Variants in DPP6 observed in about 807,000 individuals in gnomAD.
The protein encoded by DPP6 is A-type potassium channel modulatory protein DPP6.
In DPP6, 69 loss-of-function variants were observed where a neutral mutation model predicts 122.6. The ratio of observed to expected loss-of-function variants is 0.56; its 90% CI spans 0.46 to 0.69. DPP6 has a LOEUF of 0.69. Ranked by LOEUF, DPP6 falls within the 30% of genes least tolerant of loss-of-function variation. DPP6 has a pLI of 0.00. For missense variants in DPP6, 928 were observed against 1,116.9 expected, an observed-to-expected ratio of 0.83 and a Z score of 2.41; for synonymous variants, 418 against 433.1, an observed-to-expected ratio of 0.97 and a Z score of 0.43.
intron 1 of DPP6, among the ~76,000 whole-genome samples, chr7:154,343,273 C>G (rs543776690): frequency 6.6e-6 from 1 of 152,322 alleles, no homozygotes; most frequent in African/African-American, 2.4e-5. Context: ...TATGCAGATT[C>G]CCCAAAGGCA....
intron 12 of DPP6, among the ~76,000 whole-genome samples, chr7:154,800,416 G>A (rs140780688): frequency 1.5e-4 from 23 of 152,266 alleles, no homozygotes; most frequent in African/African-American, 5.1e-4. Flanking sequence ...AATACATCTC[G>A]CAACCAACTA....
chr7:154,400,304 G>A (rs553077540), intron 1 of DPP6, among the ~76,000 whole-genome samples: 39 of 152,300 alleles, frequency 2.6e-4, no homozygotes, highest in African/African-American at 9.4e-4. Context: ...CCCCAGAGAT[G>A]GCGTGGAGTT....
chr7:154,104,736 TACATA>T (rs1329098319), intron 1 of DPP6, among the ~76,000 whole-genome samples: 14 of 152,240 alleles, frequency 9.2e-5, no homozygotes, highest in African/African-American at 3.4e-4. Flanking sequence ...TGTGTGTGCT[TACATA>T]ACATACACTC....
At chr7:154,237,790 G>A (rs1801315562) in intron 1 of DPP6, among the ~76,000 whole-genome samples, 2 of 152,288 alleles carry the variant, frequency 1.3e-5, no homozygotes, top group African/African-American at 4.8e-5. Context: ...GAAGTGTTGG[G>A]TCCACAGTGG....
intron 1 of DPP6, among the ~76,000 whole-genome samples, chr7:154,067,766 G>GTGA (rs1315926244): frequency 1.3e-5 from 2 of 152,136 alleles, no homozygotes; most frequent in African/African-American, 4.8e-5. Context: ...ATTGGTTGCA[G>GTGA]TGAGATCTGG....
rs555153061 is a variant in DPP6 at position 153,942,861 on chromosome 7, C to T, written c.51+55127C>T. On this transcript the variant is annotated intron_variant, in intron 1 of 25. Transcript: ENST00000404039. ...TACCTGTCGCCTGCTTATTTAAACA[C>T]GTGGTCCAGCAATCACAGTGAGTGT... is the stretch of plus-strand genomic sequence containing the variant. Among the ~76,000 whole-genome samples the T allele has an allele frequency of 3.9e-5, 6 of 152,328 alleles. No individual in the cohort carries two copies. In the East Asian group the frequency reaches 7.7e-4, roughly 20 times the overall value.
At chr7:153,986,065 C>T (rs1011389285) in intron 1 of DPP6, among the ~76,000 whole-genome samples, 7 of 152,080 alleles carry the variant, frequency 4.6e-5, no homozygotes, top group East Asian at 3.9e-4. Context: ...CGTTCAGGGT[C>T]GTATGGCTGT....
intron 1 of DPP6, among the ~76,000 whole-genome samples, chr7:154,270,289 A>G (rs1803702231): frequency 6.6e-6 from 1 of 152,212 alleles, no homozygotes; most frequent in Non-Finnish European, 1.5e-5. Context: ...CCAGGTTGCT[A>G]TGCATAAACA....
chr7:154,794,256 C>G (rs1797871069), intron 11 of DPP6, 54 bp downstream of exon 11: 1 of 1,516,254 alleles, frequency 6.6e-7, no homozygotes, highest in East Asian at 2.4e-5. Context: ...GATGGTCAGA[C>G]GCGCCCGAGG....
At chr7:153,880,803 A>G in the DPP6 span, among the ~76,000 whole-genome samples, 1 of 152,224 alleles carries the variant, frequency 6.6e-6, no homozygotes, top group East Asian at 1.9e-4. Context: ...AACGTGTTGT[A>G]ATGAATTTAG....
At chr7:154,474,843 C>A in intron 2 of DPP6, 96 bp from the exon 3 acceptor site, 1 of 925,238 alleles carries the variant, frequency 1.1e-6, no homozygotes, top group Non-Finnish European at 1.7e-6. Flanking sequence ...GTGTTCCCAT[C>A]CATACTATTT....
intron 12 of DPP6, chr7:154,796,089 C>G: frequency 1.4e-6 from 1 of 695,152 alleles, no homozygotes; most frequent in Non-Finnish European, 2.2e-6. Flanking sequence ...ATCCAAGTTC[C>G]AGGGAGGGTC....
intron 1 of DPP6, among the ~76,000 whole-genome samples, chr7:154,036,363 C>T (rs1382104601): frequency 6.7e-5 from 10 of 148,158 alleles, no homozygotes; most frequent in African/African-American, 1.5e-4. Flanking sequence ...TCAGGTGATC[C>T]GCCCACCTCA....
At chr7:153,763,848 C>T in the DPP6 span, among the ~76,000 whole-genome samples, 1,796 of 152,266 alleles carry the variant, frequency 0.012, 12 homozygotes, top group Middle Eastern at 0.024. Flanking sequence ...TTTGTATAGG[C>T]ATCTATTTTC....
At chr7:154,312,667 TG>T (rs1371979368) in intron 1 of DPP6, among the ~76,000 whole-genome samples, 1 of 152,156 alleles carries the variant, frequency 6.6e-6, no homozygotes, top group Non-Finnish European at 1.5e-5. Context: ...CTGATTAAAA[TG>T]GGAACACCGT....
chr7:154,409,256 G>A (rs189821274), intron 1 of DPP6, among the ~76,000 whole-genome samples: 9 of 152,226 alleles, frequency 5.9e-5, no homozygotes, highest in Non-Finnish European at 1.2e-4. Flanking sequence ...AATTCCATAT[G>A]ACTGGTGTCC....
At chr7:154,333,615 A>G (rs1809143958) in intron 1 of DPP6, among the ~76,000 whole-genome samples, 1 of 152,230 alleles carries the variant, frequency 6.6e-6, no homozygotes, top group African/African-American at 2.4e-5. Flanking sequence ...TGCTTGCTGT[A>G]GAGAATATTG....
intron 5 of DPP6, among the ~76,000 whole-genome samples, chr7:154,578,878 C>T (rs938636609): frequency 2.6e-5 from 4 of 152,114 alleles, no homozygotes; most frequent in African/African-American, 9.7e-5. Context: ...AATGGCACTG[C>T]AATCTGCTGT....
intron 1 of DPP6, among the ~76,000 whole-genome samples, chr7:153,899,103 CA>C (rs1217782894): frequency 6.6e-6 from 1 of 151,882 alleles, no homozygotes; most frequent in Non-Finnish European, 1.5e-5. Flanking sequence ...TATTCCTCCC[CA>C]CCTCCTCTTC....
Sources: allele counts gnomAD v4.1 joint callset (sites outside exome capture counted in the v4.1 genomes callset), GRCh38; gene constraint gnomAD v4.1.1; transcripts MANE v1.5; gene names NCBI Gene and HGNC (gene_info 2026-07-23, HGNC 2026-07-21).